The following LTBP1 variants were observed in gnomAD, a reference collection of about 807,000 sequenced individuals.
The protein encoded by LTBP1 is latent transforming growth factor beta binding protein 1.
A neutral mutation model predicts 207.6 loss-of-function variants in LTBP1; 129 were observed. The observed-to-expected ratio is 0.62, with a 90% confidence interval of 0.54 to 0.72. The LOEUF is 0.72. LTBP1 is among the 30% of genes least tolerant of loss of function. The pLI, the probability that LTBP1 is intolerant of heterozygous loss-of-function variation, is 0.00. For missense variants in LTBP1, 2,281 were observed against 2,217.2 expected (o/e 1.03, Z -0.58); for synonymous variants, 963 against 833.7 (o/e 1.16, Z -2.67).
chr2:32,951,116 G>A (rs565231430), intron 2 of LTBP1, among the ~76,000 whole-genome samples: 92 of 152,266 alleles, frequency 6.0e-4, no homozygotes, highest in African/African-American at 1.9e-3. Flanking sequence ...TTAATCTTAC[G>A]GTACCTACAA....
intron 5 of LTBP1, among the ~76,000 whole-genome samples, chr2:33,168,503 A>T (rs1250370237): frequency 2.2e-4 from 33 of 152,178 alleles, no homozygotes. Flanking sequence ...GAAACTTGTG[A>T]TGTTGTCTTA....
At chr2:33,071,893 T>A (rs937029966) in intron 3 of LTBP1, among the ~76,000 whole-genome samples, 1 of 152,212 alleles carries the variant, frequency 6.6e-6, no homozygotes, top group African/African-American at 2.4e-5. Flanking sequence ...TGACACCGGA[T>A]GTGTGGGGAT....
chr2:33,273,093 T>C (rs932620900), intron 15 of LTBP1, among the ~76,000 whole-genome samples: 6 of 152,196 alleles, frequency 3.9e-5, no homozygotes, highest in Non-Finnish European at 2.9e-5. Flanking sequence ...CATTTTGAAA[T>C]TGGCAAATAA....
intron 3 of LTBP1, among the ~76,000 whole-genome samples, chr2:33,032,589 CA>C (rs2075741027): frequency 1.3e-5 from 2 of 152,102 alleles, no homozygotes; most frequent in Admixed American, 1.3e-4. Context: ...GTATAATAAC[CA>C]ACAGGTTGTT....
At chr2:32,957,423 A>G (rs532714450) in intron 2 of LTBP1, among the ~76,000 whole-genome samples, 2 of 152,232 alleles carry the variant, frequency 1.3e-5, no homozygotes, top group African/African-American at 2.4e-5. Flanking sequence ...TGATTTCAAT[A>G]TTGTTGTGTC....
At chr2:33,250,057 A>G (rs572046780) in intron 10 of LTBP1, among the ~76,000 whole-genome samples, 1 of 152,324 alleles carries the variant, frequency 6.6e-6, no homozygotes, top group Non-Finnish European at 1.5e-5. Flanking sequence ...AGACAATAAC[A>G]ACACCAATCA....
At chr2:33,046,277 A>T (rs183604136) in intron 3 of LTBP1, among the ~76,000 whole-genome samples, 3 of 152,184 alleles carry the variant, frequency 2.0e-5, no homozygotes, top group African/African-American at 2.4e-5. Context: ...TATTATTTGG[A>T]GATATTTTCC....
chr2:33,097,269 A>G (rs1434506674), intron 3 of LTBP1, among the ~76,000 whole-genome samples: 1 of 152,222 alleles, frequency 6.6e-6, no homozygotes, highest in African/African-American at 2.4e-5. Context: ...AAGGCAACAT[A>G]TTAATAATAT....
chr2:33,151,459 A>G (rs893228714), intron 5 of LTBP1, among the ~76,000 whole-genome samples: 8 of 148,506 alleles, frequency 5.4e-5, no homozygotes, highest in Non-Finnish European at 1.0e-4. Flanking sequence ...TTTTTTTTGT[A>G]TTTTATTTTA....
intron 31 of LTBP1, among the ~76,000 whole-genome samples, chr2:33,371,653 T>C (rs72861439): frequency 0.064 from 9,765 of 152,234 alleles, 435 homozygotes; most frequent in African/African-American, 0.13. Context: ...TTTCTCAGTC[T>C]AAGTGATAAT....
chr2:33,252,955 C>A, intron 11 of LTBP1, 111 bp downstream of exon 11: 1 of 834,626 alleles, frequency 1.2e-6, no homozygotes, highest in Non-Finnish European at 1.7e-6. Flanking sequence ...TTTAATAATA[C>A]ATTGTAAATA....
intron 2 of LTBP1, 70 bp downstream of exon 2, chr2:32,949,015 C>G (rs1676703397): frequency 2.1e-6 from 3 of 1,446,802 alleles, no homozygotes; most frequent in African/African-American, 1.4e-5. Flanking sequence ...ATGGGGGCAT[C>G]TCACAAGGGC....
chr2:33,287,821 G>A (rs551416177), intron 19 of LTBP1, among the ~76,000 whole-genome samples: 10 of 152,354 alleles, frequency 6.6e-5, no homozygotes, highest in Admixed American at 1.3e-4. Flanking sequence ...CAGAGGGGGT[G>A]TGAGATTCTG....
chr2:32,947,438 G>C lies in LTBP1; in HGVS notation c.114G>C (p.Leu38=). ...ITYVVHPGPG[L]AAGALPLSGP... ...ACGTGGTGCACCCGGGCCCCGGCCT[G>C]GCAGCCGGCGCCTTGCCCCTGAGCG... Residue 38 remains leucine (L), a synonymous_variant, in exon 1 of 34, where the codon CTG becomes CTC. Coordinates refer to ENST00000404816, the MANE Select transcript of LTBP1 (RefSeq NM_206943.4). 6.9e-7 allele frequency: 1 copy of C among 1,442,562 alleles called. No homozygotes were observed. Among genetic ancestry groups the C allele is most frequent in the East Asian group, 3.1e-5 (1 of 32,456 alleles). The allele number at this position is 1,442,562 out of a possible 1,614,324, so 89.4% of individuals were successfully genotyped here. A position where few individuals can be genotyped will look rare whatever the true frequency, so the allele number is the denominator to read the frequency against.
chr2:33,360,851 A>G (rs1243860736), intron 27 of LTBP1, 72 bp downstream of exon 27: 1 of 1,401,908 alleles, frequency 7.1e-7, no homozygotes, highest in Non-Finnish European at 1.0e-6. Flanking sequence ...TGAAATGATA[A>G]CACTCATTCC....
intron 2 of LTBP1, among the ~76,000 whole-genome samples, chr2:33,011,230 G>A (rs1015108964): frequency 6.6e-6 from 1 of 152,136 alleles, no homozygotes; most frequent in Non-Finnish European, 1.5e-5. Flanking sequence ...TGGCATGTAG[G>A]AGTGGGCTTG....
At chr2:33,158,109 C>T (rs2084131442) in intron 5 of LTBP1, among the ~76,000 whole-genome samples, 1 of 136,486 alleles carries the variant, frequency 7.3e-6, no homozygotes, top group East Asian at 2.3e-4. Flanking sequence ...GCACTCCAGC[C>T]TGGGCAACAA....
In LTBP1 at chr2:33,091,024, C is replaced by T. The variant is rs144109823; in HGVS notation, c.864-19558C>T. 1.2e-4 allele frequency among the ~76,000 whole-genome samples: 18 copies of T among 152,322 alleles called. No homozygotes were observed. The East Asian group carries it at 2.9e-3, about 25-fold the overall frequency. ...TGCACAGACTTCTTCATGCCCCATG[C>T]TGCTCTAATTGTACTTAAGAACCAT... On this transcript the variant is annotated intron_variant, in intron 3 of 33. Coordinates refer to ENST00000404816, the MANE Select transcript of LTBP1 (RefSeq NM_206943.4).
At chr2:33,252,198 C>T (rs1294056092) in intron 10 of LTBP1, among the ~76,000 whole-genome samples, 1 of 152,214 alleles carries the variant, frequency 6.6e-6, no homozygotes, top group East Asian at 1.9e-4. Context: ...GCCCTGCAAG[C>T]TCTTACTTCC....
Sources: gnomAD v4.1 joint callset for allele counts (sites outside exome capture counted in the v4.1 genomes callset) on GRCh38, gnomAD v4.1.1 for gene constraint, MANE v1.5 for transcripts, NCBI Gene and HGNC (gene_info 2026-07-23, HGNC 2026-07-21) for gene names.